SMAP1: variants seen among roughly 807,000 people sequenced by gnomAD.
SMAP1 encodes the protein small ArfGAP 1, also known as stromal membrane-associated protein 1.
Under a neutral mutation model 58.5 loss-of-function variants are expected in SMAP1, and 24 were observed. The ratio of observed to expected loss-of-function variants is 0.41; its 90% CI spans 0.30 to 0.58. The LOEUF is 0.58. SMAP1 is among the 20% of genes least tolerant of loss of function. The probability of loss-of-function intolerance (pLI) is 0.29; values close to 1 mark genes in which losing one functional copy is unlikely to be tolerated. For missense variants in SMAP1, 563 were observed against 566.3 expected (o/e 0.99, Z 0.06); for synonymous variants, 216 against 196.6 (o/e 1.10, Z -0.82).
chr6:70,787,385 A>G (rs1474516010), intron 4 of SMAP1, among the ~76,000 whole-genome samples: 1 of 152,230 alleles, frequency 6.6e-6, no homozygotes, highest in Non-Finnish European at 1.5e-5. Flanking sequence ...GGACATAGGC[A>G]TGGGCAAGGA....
At chr6:70,669,260 A>G (rs1766165568) in intron 1 of SMAP1, among the ~76,000 whole-genome samples, 1 of 152,146 alleles carries the variant, frequency 6.6e-6, no homozygotes, top group Non-Finnish European at 1.5e-5. Flanking sequence ...TTTCTGTGTT[A>G]TTTGACTTAG....
chr6:70,676,146 G>A (rs569849337), intron 1 of SMAP1, among the ~76,000 whole-genome samples: 40 of 152,262 alleles, frequency 2.6e-4, no homozygotes, highest in African/African-American at 9.1e-4. Flanking sequence ...TGGACTTTTT[G>A]TGCCTTTCTC....
intron 1 of SMAP1, among the ~76,000 whole-genome samples, chr6:70,682,389 A>G (rs535095469): frequency 9.2e-5 from 14 of 151,742 alleles, no homozygotes; most frequent in Non-Finnish European, 1.8e-4. Context: ...GGGTTTTGCC[A>G]TATTGGCCAG....
intron 1 of SMAP1, among the ~76,000 whole-genome samples, chr6:70,706,719 C>T (rs962262751): frequency 2.0e-5 from 3 of 152,102 alleles, no homozygotes; most frequent in South Asian, 2.1e-4. Context: ...CACCAGATGG[C>T]GCTCTCTATT....
intron 1 of SMAP1, among the ~76,000 whole-genome samples, chr6:70,720,921 AT>A (rs1213716003): frequency 6.6e-6 from 1 of 152,146 alleles, no homozygotes; most frequent in Admixed American, 6.5e-5. Context: ...GCCTGGAGAC[AT>A]TTTCCCCATG....
At chr6:70,770,394 C>G (rs547203650) in intron 3 of SMAP1, among the ~76,000 whole-genome samples, 1 of 152,212 alleles carries the variant, frequency 6.6e-6, no homozygotes, top group African/African-American at 2.4e-5. Context: ...ATCAATCAGA[C>G]ATAGATTTCG....
chr6:70,857,702 T>TAATTA (rs1771490659), intron 9 of SMAP1: 2 of 553,988 alleles, frequency 3.6e-6, no homozygotes, highest in East Asian at 6.0e-5. Flanking sequence ...TTACATTTCT[T>TAATTA]AATTAAATTT....
intron 3 of SMAP1, among the ~76,000 whole-genome samples, chr6:70,758,669 G>A (rs1221606644): frequency 6.6e-6 from 1 of 151,962 alleles, no homozygotes; most frequent in Non-Finnish European, 1.5e-5. Flanking sequence ...TACTTATACA[G>A]CCCAAAATTA....
At chr6:70,767,898 A>G (rs1767071865) in intron 3 of SMAP1, among the ~76,000 whole-genome samples, 1 of 143,504 alleles carries the variant, frequency 7.0e-6, no homozygotes, top group Admixed American at 7.1e-5. Context: ...TGTCATAGAT[A>G]GCTGTTATTA....
At chr6:70,719,327 T>C (rs1033206451) in intron 1 of SMAP1, among the ~76,000 whole-genome samples, 6 of 152,196 alleles carry the variant, frequency 3.9e-5, no homozygotes, top group African/African-American at 1.4e-4. Flanking sequence ...TTATTATTAT[T>C]GTCATTGAAT....
Position 70,754,983 on chromosome 6 carries a change from A to T in SMAP1, c.256A>T (p.Met86Leu). The T allele has an allele frequency of 6.2e-7, 1 of 1,605,216 alleles. No individual in the cohort carries two copies. The highest frequency in any genetic ancestry group is 8.5e-7 in the Non-Finnish European group (1 of 1,175,414). Residue 86 changes from methionine (M) to leucine (L), a missense_variant, in exon 3 of 11, where the codon ATG becomes TTG. By Grantham distance (15) the Met-to-Leu change is conservative (BLOSUM62 2). Around this residue, in one of 3 missense-constraint regions of SMAP1, gnomAD observed 494 missense variants for 473.8 expected, o/e 1.04. Transcript: ENST00000370455. ...DQWTAEQIQC[M>L]QDMGNTKARL... ...TAAAAAATTTTTTTTATTATAGTGC[A>T]TGCAAGATATGGGAAATACTAAAGC...
chr6:70,701,836 A>G (rs904389281), intron 1 of SMAP1, among the ~76,000 whole-genome samples: 1 of 152,182 alleles, frequency 6.6e-6, no homozygotes, highest in Non-Finnish European at 1.5e-5. Flanking sequence ...GTTCTTATGA[A>G]GGTGATTTCT....
chr6:70,709,716 T>C, intron 1 of SMAP1, among the ~76,000 whole-genome samples: 1 of 152,222 alleles, frequency 6.6e-6, no homozygotes, highest in East Asian at 1.9e-4. Context: ...TGTGGTTTCA[T>C]ACAAATTTTA....
At chr6:70,756,167 T>G (rs773489136) in intron 3 of SMAP1, among the ~76,000 whole-genome samples, 17 of 152,092 alleles carry the variant, frequency 1.1e-4, no homozygotes, top group Admixed American at 4.6e-4. Context: ...ATTATCTGAT[T>G]AATTGTAGGT....
chr6:70,711,254 G>A (rs974696276), intron 1 of SMAP1, among the ~76,000 whole-genome samples: 1 of 152,132 alleles, frequency 6.6e-6, no homozygotes, highest in African/African-American at 2.4e-5. Flanking sequence ...CATTATCACA[G>A]ACATGTTAGT....
chr6:70,693,072 T>C (rs1465757861), intron 1 of SMAP1, among the ~76,000 whole-genome samples: 2 of 151,426 alleles, frequency 1.3e-5, no homozygotes, highest in South Asian at 2.1e-4. Context: ...CGTGAGCCAC[T>C]GCGCCCAGCC....
chr6:70,789,435 A>G (rs2149939999), intron 4 of SMAP1, among the ~76,000 whole-genome samples: 1 of 49,104 alleles, frequency 2.0e-5, no homozygotes, highest in South Asian at 8.0e-4. Context: ...GGTTTCATAC[A>G]CACTGTGTAC....
chr6:70,750,200 G>A (rs1271536851), intron 2 of SMAP1, among the ~76,000 whole-genome samples: 2 of 152,064 alleles, frequency 1.3e-5, no homozygotes, highest in South Asian at 2.1e-4. Context: ...ATTTGTCACT[G>A]GAGATGCCCT....
intron 1 of SMAP1, among the ~76,000 whole-genome samples, chr6:70,682,656 C>T (rs1029431299): frequency 1.3e-5 from 2 of 151,964 alleles, no homozygotes; most frequent in African/African-American, 4.8e-5. Flanking sequence ...AATCTAAGGT[C>T]TATGTTAAAG....
Sources: allele counts gnomAD v4.1 joint callset (sites outside exome capture counted in the v4.1 genomes callset), GRCh38; gene constraint gnomAD v4.1.1; regional missense constraint gnomAD v4.1.1; transcripts MANE v1.5; gene names NCBI Gene and HGNC (gene_info 2026-07-23, HGNC 2026-07-21).